SFMBT1: variants seen among roughly 807,000 people sequenced by gnomAD.
SFMBT1 encodes the protein Scm like with four mbt domains 1.
In SFMBT1, 32 loss-of-function variants were observed where a neutral mutation model predicts 108.7. The ratio of observed to expected loss-of-function variants is 0.29; its 90% CI spans 0.22 to 0.40. The LOEUF (loss-of-function observed/expected upper bound fraction) is 0.40, where lower values mean the gene tolerates loss of function less well. SFMBT1 is among the 10% of genes least tolerant of loss of function. The pLI is 1.00. For missense variants in SFMBT1, 816 were observed against 1,059.6 expected (o/e 0.77, Z 3.19); for synonymous variants, 348 against 369.5 (o/e 0.94, Z 0.67).
chr3:52,916,172 C>T lies in SFMBT1; in HGVS notation c.1458G>A (p.Gln486=). Residue 486 remains glutamine, a synonymous_variant, in exon 14 of 21, where the codon CAG becomes CAA. Transcript: ENST00000394752. ...TACCTGACTCTGTGGAGTTCAGCTCCTGATTCCTCAGGCCCTCGTGGACAG... is the reference window on the plus strand; with the variant it reads ...TACCTGACTCTGTGGAGTTCAGCTCTTGATTCCTCAGGCCCTCGTGGACAG... ...SRTVHEGLRN[Q]ELNSTESVMI... 1 of 1,614,034 alleles carries T rather than the reference C, an allele frequency of 6.2e-7. No homozygotes were observed.
At chr3:52,913,847 T>C (rs1458657016) in intron 14 of SFMBT1, among the ~76,000 whole-genome samples, 1 of 152,212 alleles carries the variant, frequency 6.6e-6, no homozygotes, top group African/African-American at 2.4e-5. Context: ...TGCTGATTAG[T>C]TCCTAGGTTA....
intron 1 of SFMBT1, among the ~76,000 whole-genome samples, chr3:53,044,721 T>C (rs543020302): frequency 1.3e-5 from 2 of 152,364 alleles, no homozygotes; most frequent in South Asian, 2.1e-4. Context: ...ATCTCTTTGA[T>C]GGTTACTTGG....
chr3:52,970,668 C>T (rs1027762342), intron 1 of SFMBT1, among the ~76,000 whole-genome samples: 3 of 152,168 alleles, frequency 2.0e-5, no homozygotes, highest in African/African-American at 4.8e-5. Context: ...GAGTGATATT[C>T]TGCAGGATCA....
At chr3:53,012,495 C>A (rs1373030177) in intron 1 of SFMBT1, among the ~76,000 whole-genome samples, 1 of 151,970 alleles carries the variant, frequency 6.6e-6, no homozygotes, top group African/African-American at 2.4e-5. Flanking sequence ...CTCCGCCTCC[C>A]GGATTCACGC....
At chr3:53,020,256 G>A (rs1246067531) in intron 1 of SFMBT1, among the ~76,000 whole-genome samples, 1 of 152,056 alleles carries the variant, frequency 6.6e-6, no homozygotes, top group Non-Finnish European at 1.5e-5. Context: ...AGGCATGGTG[G>A]TGCATGCCTG....
chr3:53,039,766 C>G (rs1322932736), intron 1 of SFMBT1, among the ~76,000 whole-genome samples: 1 of 152,142 alleles, frequency 6.6e-6, no homozygotes, highest in African/African-American at 2.4e-5. Context: ...TCCCAAGCAG[C>G]TGGGACTACA....
intron 1 of SFMBT1, among the ~76,000 whole-genome samples, chr3:52,985,232 G>C (rs1243282633): frequency 1.3e-5 from 2 of 152,114 alleles, no homozygotes; most frequent in Admixed American, 1.3e-4. Flanking sequence ...AAGATTATAG[G>C]AAAAGACCAT....
intron 2 of SFMBT1, among the ~76,000 whole-genome samples, chr3:52,960,337 A>G (rs1418350351): frequency 6.6e-6 from 1 of 152,202 alleles, no homozygotes; most frequent in African/African-American, 2.4e-5. Flanking sequence ...AGTACAAAAG[A>G]GGCTTAAACT....
Position 52,907,132 on chromosome 3 carries a change from C to T in SFMBT1, c.2268G>A (p.Arg756=). The T allele has an allele frequency of 6.2e-7, 1 of 1,614,060 alleles. No homozygotes were observed. The highest frequency in any genetic ancestry group is 8.5e-7 in the Non-Finnish European group (1 of 1,179,980). The change falls in exon 19 of 21, where the codon AGG becomes AGA. Residue 756 remains arginine, a synonymous_variant. Transcript: ENST00000394752. ...ISTSLPPDRQ[R]RKRELRTFSF... ...AAAAGGTGCGAAGCTCCCTTTTTCT[C>T]CTTTGTCTATCTGGAGGCAGCGATG...
At chr3:52,922,000 T>C (rs1702533623) in intron 10 of SFMBT1, among the ~76,000 whole-genome samples, 169 bp from the exon 11 acceptor site, 2 of 152,226 alleles carry the variant, frequency 1.3e-5, no homozygotes, top group African/African-American at 4.8e-5. Context: ...CTGCCTTTCC[T>C]GGTGTTATAG....
At chr3:52,922,369 C>T (rs563163028) in intron 10 of SFMBT1, among the ~76,000 whole-genome samples, 4 of 96,914 alleles carry the variant, frequency 4.1e-5, no homozygotes, top group South Asian at 6.0e-4. Flanking sequence ...ATCCAGCATC[C>T]GTGTCAAAAT....
chr3:52,923,558 C>CA (rs199694774), intron 10 of SFMBT1, among the ~76,000 whole-genome samples: 1,608 of 119,602 alleles, frequency 0.013, 30 homozygotes, highest in Admixed American at 0.061. Flanking sequence ...AAAGCTCCAT[C>CA]AAAAAAAAAA....
At chr3:52,933,078 T>C (rs1335082332) in intron 5 of SFMBT1, among the ~76,000 whole-genome samples, 1 of 152,174 alleles carries the variant, frequency 6.6e-6, no homozygotes, top group African/African-American at 2.4e-5. Flanking sequence ...TACAAGTCAA[T>C]ATCCACCTCT....
In SFMBT1 at chr3:52,932,155, C is replaced by T. The variant is rs759563295; in HGVS notation, c.607G>A (p.Asp203Asn). 1.9e-6 allele frequency: 3 copies of T among 1,614,158 alleles called. No homozygotes were observed. In the East Asian group the frequency reaches 6.7e-5, roughly 36 times the overall value. ...TAATACAACCAATGTTCATAATTGT[C>T]AGAACTTTCAAGTCCTTCATAACGT... The part of the protein sequence containing the change: ...KLRYEGLESS[D>N]NYEHWLYYLD... Residue 203 changes from aspartate to asparagine, a missense_variant, in exon 6 of 21, where the codon GAC (aspartate) becomes AAC (asparagine). By Grantham distance (23) the Asp-to-Asn change is conservative. Transcript: ENST00000394752.
chr3:52,930,537 G>T, intron 7 of SFMBT1, 107 bp from the exon 8 acceptor site: 1 of 667,178 alleles, frequency 1.5e-6, no homozygotes. Flanking sequence ...AAATCCTATA[G>T]TTTTCTTCTT....
chr3:53,025,607 C>T (rs890323765), intron 1 of SFMBT1, among the ~76,000 whole-genome samples: 1 of 151,698 alleles, frequency 6.6e-6, no homozygotes, highest in African/African-American at 2.4e-5. Context: ...CAGAGTGAAC[C>T]CCGTCTTAAA....
intron 3 of SFMBT1, among the ~76,000 whole-genome samples, chr3:52,946,026 C>A (rs1185926876): frequency 3.9e-5 from 6 of 152,186 alleles, no homozygotes; most frequent in African/African-American, 1.2e-4. Context: ...CAGTATCATG[C>A]AGCCTTGATT....
At chr3:52,909,706 T>C (rs1702172525) in intron 17 of SFMBT1, among the ~76,000 whole-genome samples, 1 of 152,350 alleles carries the variant, frequency 6.6e-6, no homozygotes, top group South Asian at 2.1e-4. Flanking sequence ...TCTGTAGTGA[T>C]TCTCCCAAGT....
intron 1 of SFMBT1, among the ~76,000 whole-genome samples, chr3:53,022,676 C>T (rs1170389414): frequency 6.6e-6 from 1 of 152,074 alleles, no homozygotes; most frequent in African/African-American, 2.4e-5. Flanking sequence ...AAGACAAATA[C>T]ATGACTCCAC....
Sources: gnomAD v4.1 joint callset for allele counts (sites outside exome capture counted in the v4.1 genomes callset) on GRCh38, gnomAD v4.1.1 for gene constraint, MANE v1.5 for transcripts, NCBI Gene and HGNC (gene_info 2026-07-23, HGNC 2026-07-21) for gene names.